The following KIF2A variants were observed in gnomAD, a reference collection of about 807,000 sequenced individuals.
The protein encoded by KIF2A is kinesin family member 2A, also known as kinesin-like protein KIF2A.
Under a neutral mutation model 100.2 loss-of-function variants are expected in KIF2A, and 22 were observed. The ratio of observed to expected loss-of-function variants is 0.22; its 90% CI spans 0.16 to 0.31. The LOEUF is 0.31. Ranked by LOEUF, KIF2A falls within the 10% of genes least tolerant of loss-of-function variation. KIF2A has a pLI of 1.00. For synonymous variants in KIF2A, 268 were observed against 285.9 expected (o/e 0.94, Z 0.63); for missense variants, 495 against 898.7 (o/e 0.55, Z 5.74).
chr5:62,317,196 G>T (rs1302702118), intron 1 of KIF2A, among the ~76,000 whole-genome samples: 1 of 152,058 alleles, frequency 6.6e-6, no homozygotes, highest in East Asian at 1.9e-4. Flanking sequence ...TTACAGGCAT[G>T]CGCCACCGTG....
At chr5:62,307,711 G>A (rs1050213599) in intron 1 of KIF2A, among the ~76,000 whole-genome samples, 1 of 150,716 alleles carries the variant, frequency 6.6e-6, no homozygotes, top group Non-Finnish European at 1.5e-5. Flanking sequence ...TCCGCCTCCC[G>A]TGTTGAAGCT....
intron 1 of KIF2A, among the ~76,000 whole-genome samples, chr5:62,323,998 C>T (rs149673658): frequency 3.1e-4 from 47 of 151,714 alleles, no homozygotes; most frequent in Admixed American, 2.0e-3. Flanking sequence ...CATGCAACTG[C>T]GCTCCAGCCT....
intron 19 of KIF2A, among the ~76,000 whole-genome samples, chr5:62,379,711 GT>G (rs1741696983): frequency 6.6e-6 from 1 of 151,328 alleles, no homozygotes; most frequent in African/African-American, 2.4e-5. Flanking sequence ...TAATTAATAT[GT>G]TTCCTAATCA....
intron 20 of KIF2A, among the ~76,000 whole-genome samples, chr5:62,384,208 C>G (rs1304469812): frequency 6.6e-6 from 1 of 152,152 alleles, no homozygotes; most frequent in African/African-American, 2.4e-5. Flanking sequence ...GAGATCACGC[C>G]ACTGCACTCC....
chr5:62,312,281 T>G (rs773073024), intron 1 of KIF2A, among the ~76,000 whole-genome samples: 69 of 152,214 alleles, frequency 4.5e-4, no homozygotes, highest in Admixed American at 2.6e-4. Context: ...GTGTCATGAT[T>G]GTTAAAATGC....
intron 3 of KIF2A, among the ~76,000 whole-genome samples, chr5:62,348,781 G>A (rs1342401649): frequency 6.6e-6 from 1 of 152,122 alleles, no homozygotes; most frequent in Non-Finnish European, 1.5e-5. Context: ...AAAACAGGTA[G>A]TATTGCAAAG....
At chr5:62,376,434 T>TTTG (rs1561281265) in intron 18 of KIF2A, among the ~76,000 whole-genome samples, 2 of 148,718 alleles carry the variant, frequency 1.3e-5, no homozygotes, top group East Asian at 2.0e-4. Flanking sequence ...TTGTTTGTTT[T>TTTG]TTTGAGGTGG....
At position 62,319,150 on chromosome 5, in the gene KIF2A, G is replaced by T. The variant is rs540973490; in HGVS notation, c.64+12614G>T. ...CTAATAGGCCTCTCTACCTAGGAGA[G>T]TAATTTGGTTAACAACAACAACAAC... On this transcript the variant is annotated intron_variant, in intron 1 of 20. Transcript: ENST00000407818. Among the ~76,000 whole-genome samples the T allele has an allele frequency of 3.7e-4, 49 of 133,988 alleles. 1 individual carries two copies. In the South Asian group the frequency reaches 0.013, roughly 35 times the overall value. The allele number at this position is 133,988 out of a possible 152,430, so 87.9% of individuals were successfully genotyped here. A position where few individuals can be genotyped will look rare whatever the true frequency, so the allele number is the denominator to read the frequency against.
At chr5:62,337,693 T>C (rs1280691278) in intron 1 of KIF2A, among the ~76,000 whole-genome samples, 1 of 151,494 alleles carries the variant, frequency 6.6e-6, no homozygotes, top group Non-Finnish European at 1.5e-5. Context: ...GGCATAGTAG[T>C]GCATGCCTGT....
In KIF2A at chr5:62,357,733, C is replaced by T; in HGVS notation, c.697C>T (p.Leu233Phe). The T allele has an allele frequency of 1.3e-6, 2 of 1,557,756 alleles. No individual in the cohort carries two copies. Among genetic ancestry groups the T allele is most frequent in the South Asian group, 2.3e-5 (2 of 88,232 alleles). ...RICVCVRKRP[L>F]NKKETQMKDL... ...ATGTGTGTGTGTAAGAAAACGACCA[C>T]TCAATAAAAAAGGTATGGCACTTAA... The change falls in exon 8 of 21, where the codon CTC becomes TTC. Residue 233 changes from leucine (L) to phenylalanine (F), a missense_variant. Leu to Phe is a conservative substitution (Grantham distance 22). Around this residue, in one of 10 missense-constraint regions of KIF2A, gnomAD observed 109 missense variants for 244.2 expected, o/e 0.45. Coordinates refer to ENST00000407818, the MANE Select transcript of KIF2A (RefSeq NM_001098511.3).
chr5:62,364,517 T>C (rs1256134181), intron 14 of KIF2A, among the ~76,000 whole-genome samples: 26 of 152,196 alleles, frequency 1.7e-4, no homozygotes, highest in Non-Finnish European at 1.5e-5. Context: ...AGAAACAGTT[T>C]CTCAGAAAAA....
chr5:62,373,626 G>A, intron 17 of KIF2A, 61 bp from the exon 18 acceptor site: 1 of 1,220,624 alleles, frequency 8.2e-7, no homozygotes, highest in East Asian at 2.4e-5. Flanking sequence ...GAATAGGCTG[G>A]TATTTTCTCG....
At chr5:62,380,974 C>T (rs1741750944) in intron 19 of KIF2A, 144 bp from the exon 20 acceptor site, 1 of 637,420 alleles carries the variant, frequency 1.6e-6, no homozygotes, top group South Asian at 2.1e-5. Flanking sequence ...CTTAATTATA[C>T]TGTCTGTGAA....
chr5:62,386,343 A>AT lies in KIF2A; in HGVS notation c.*775dup, dbSNP rs1321248918. The stretch of plus-strand genomic sequence containing the variant: ...CATTTTCTTTGTAAAGAACTACAAT[A>AT]TAAACTAGTTGGTGTATAATAAAAA... On this transcript the variant is annotated 3_prime_UTR_variant, in exon 21 of 21. Transcript: ENST00000407818. 1.3e-5 allele frequency: 2 copies of AT among 152,514 alleles called. No individual in the cohort carries two copies. Among genetic ancestry groups the AT allele is most frequent in the African/African-American group, 4.8e-5 (2 of 41,458 alleles). The allele number at this position is 152,514 out of a possible 1,614,324, so 9.4% of individuals were successfully genotyped here.
At chr5:62,331,462 C>T (rs566794490) in intron 1 of KIF2A, among the ~76,000 whole-genome samples, 1 of 151,994 alleles carries the variant, frequency 6.6e-6, no homozygotes, top group South Asian at 2.1e-4. Context: ...GTGGCATATG[C>T]CTGTAATCCC....
chr5:62,353,077 C>G, intron 5 of KIF2A, 198 bp from the exon 6 acceptor site: 1 of 453,090 alleles, frequency 2.2e-6, no homozygotes. Context: ...AGTCATTTTT[C>G]TGGACTCTCA....
chr5:62,384,131 G>A (rs1254635321), intron 20 of KIF2A, among the ~76,000 whole-genome samples: 1 of 152,118 alleles, frequency 6.6e-6, no homozygotes, highest in Non-Finnish European at 1.5e-5. Flanking sequence ...CAGCTACTCA[G>A]GAGGCTGAGA....
At chr5:62,370,335 C>T (rs1415194468) in intron 16 of KIF2A, among the ~76,000 whole-genome samples, 1 of 151,884 alleles carries the variant, frequency 6.6e-6, no homozygotes, top group Non-Finnish European at 1.5e-5. Context: ...GCTATGTCAC[C>T]CAGGCTGGAG....
intron 1 of KIF2A, among the ~76,000 whole-genome samples, chr5:62,328,883 C>G (rs1746506548): frequency 6.6e-6 from 1 of 152,158 alleles, no homozygotes; most frequent in Admixed American, 6.5e-5. Flanking sequence ...TTCTAAAAAG[C>G]TGCACAACGG....
Sources: gnomAD v4.1 joint callset for allele counts (sites outside exome capture counted in the v4.1 genomes callset) on GRCh38, gnomAD v4.1.1 for gene constraint, gnomAD v4.1.1 regional missense constraint, MANE v1.5 for transcripts, NCBI Gene and HGNC (gene_info 2026-07-23, HGNC 2026-07-21) for gene names.